GCKR: variants seen among roughly 807,000 people sequenced by gnomAD.
GCKR encodes glucokinase regulator, also known as glucokinase regulatory protein.
GCKR carries 73 observed loss-of-function variants against 82.9 expected under a neutral mutation model. That is an observed-to-expected ratio of 0.88 (90% CI 0.73 to 1.07). The LOEUF is 1.07. GCKR is among the 50% of genes least tolerant of loss of function. The pLI is 0.00. For synonymous variants in GCKR, 294 were observed against 291.8 expected, an observed-to-expected ratio of 1.01 and a Z score of -0.08; for missense variants, 784 against 782.1, an observed-to-expected ratio of 1.00 and a Z score of -0.03.
At position 27,501,227 on chromosome 2, in the gene GCKR, C is replaced by T; in HGVS notation, c.642C>T (p.Ala214=). ...VLVGFNPVSM[A]RNDPIEDWSS... is the part of the protein sequence containing the mutation. ...TTGGCTTCAATCCAGTGAGCATGGC[C>T]AGGTGAGCCTTCTGGAATGACTGGG... The change falls in exon 8 of 19, where the codon GCC becomes GCT. Residue 214 remains alanine, a splice_region_variant and synonymous_variant. Transcript: ENST00000264717. 6.2e-7 allele frequency: 1 copy of T among 1,607,166 alleles called. No individual in the cohort carries two copies. Among genetic ancestry groups the T allele is most frequent in the Non-Finnish European group, 8.5e-7 (1 of 1,173,634 alleles).
chr2:27,511,127 G>A (rs1391829348), intron 16 of GCKR, among the ~76,000 whole-genome samples: 8 of 151,896 alleles, frequency 5.3e-5, no homozygotes, highest in Non-Finnish European at 5.9e-5. Context: ...TCCCGGGTTC[G>A]AGCGATTCTC....
At chr2:27,499,496 G>A (rs1475885693) in intron 7 of GCKR, 46 bp downstream of exon 7, 1 of 1,240,046 alleles carries the variant, frequency 8.1e-7, no homozygotes, top group Non-Finnish European at 1.2e-6. Context: ...GAGAGAGGAA[G>A]TGAGTGGGAA....
chr2:27,512,891 T>C (rs1285475415), intron 16 of GCKR, among the ~76,000 whole-genome samples: 1 of 152,240 alleles, frequency 6.6e-6, no homozygotes. Context: ...TTTTCCAGAA[T>C]ATGCCTCACT....
At chr2:27,522,742 G>A in intron 18 of GCKR, 148 bp downstream of exon 18, 1 of 745,020 alleles carries the variant, frequency 1.3e-6, no homozygotes. Context: ...ACTGGGTTTT[G>A]AAGGATGAAT....
intron 16 of GCKR, among the ~76,000 whole-genome samples, chr2:27,517,193 T>C (rs1670030896): frequency 6.6e-6 from 1 of 152,074 alleles, no homozygotes; most frequent in South Asian, 2.1e-4. Flanking sequence ...TTTGTATTTT[T>C]AGTAGAGACG....
At chr2:27,501,770 C>A in intron 8 of GCKR, 1 of 471,386 alleles carries the variant, frequency 2.1e-6, no homozygotes, top group South Asian at 1.5e-5. Context: ...CAAATCACCT[C>A]CCTCTTATTC....
intron 8 of GCKR, chr2:27,501,979 G>A: frequency 3.4e-6 from 1 of 295,420 alleles, no homozygotes; most frequent in Non-Finnish European, 6.6e-6. Context: ...CAACCCTGGA[G>A]ATTCTGATGC....
rs764571876 is a variant in GCKR at position 27,497,227 on chromosome 2, T to A, written c.61-17T>A. 1 of 1,614,122 alleles carries A rather than the reference T, an allele frequency of 6.2e-7. No homozygotes were observed. The highest frequency in any genetic ancestry group is 8.5e-7 in the Non-Finnish European group (1 of 1,179,992). On this transcript the variant is annotated splice_polypyrimidine_tract_variant and intron_variant, in intron 1 of 18. Coordinates refer to ENST00000264717, the MANE Select transcript of GCKR (RefSeq NM_001486.4). ...GCTTTGGCTTCCTGCTCCATCCTTG[T>A]CCCCTCTTCCTTCTAGTTGTCTGGG...
At position 27,506,624 on chromosome 2, in the gene GCKR, G is replaced by T. The variant is rs945235364; in HGVS notation, c.968+45G>T. ...GAGGTGAGGATGTGGCCCGGATGGA[G>T]AATACTGAGAGCAGGGAGACTCTGT... On this transcript the variant is annotated intron_variant, in intron 11 of 18. Transcript: ENST00000264717. 1.2e-5 allele frequency: 16 copies of T among 1,321,400 alleles called. No homozygotes were observed. The Middle Eastern group carries it at 1.3e-3, about 105-fold the overall frequency. 81.9% of individuals were successfully genotyped at this position (1,321,400 alleles called of 1,614,324 possible).
chr2:27,509,098 C>A (rs1669818239), intron 16 of GCKR, among the ~76,000 whole-genome samples: 1 of 152,250 alleles, frequency 6.6e-6, no homozygotes, highest in South Asian at 2.1e-4. Context: ...AGCAATTTTA[C>A]ATCTCTGGTT....
chr2:27,510,683 G>A (rs1223982806), intron 16 of GCKR, among the ~76,000 whole-genome samples: 1 of 152,000 alleles, frequency 6.6e-6, no homozygotes, highest in African/African-American at 2.4e-5. Flanking sequence ...GCATTTTAGT[G>A]TTATTTTAAT....
Position 27,522,510 on chromosome 2 carries a change from G to A in GCKR, c.1623G>A (p.Ala541=), listed in dbSNP as rs146520140. The A allele has an allele frequency of 2.0e-5, 33 of 1,613,626 alleles. No homozygotes were observed. Among genetic ancestry groups the A allele is most frequent in the African/African-American group, 2.7e-5 (2 of 74,890 alleles). The change falls in exon 18 of 19, where the codon GCG becomes GCA. Residue 541 remains alanine, a synonymous_variant. Transcript: ENST00000264717. ...GATGCATCGAGAGCCTCCTCCGAGC[G>A]ATCCACTTTCCCCAGCCACTGTCAG... ...KARCIESLLR[A]IHFPQPLSDD...
chr2:27,511,059 G>A (rs1182663804), intron 16 of GCKR, among the ~76,000 whole-genome samples: 6 of 151,918 alleles, frequency 3.9e-5, no homozygotes, highest in Non-Finnish European at 5.9e-5. Context: ...ACAGAGTCTC[G>A]CTCTGTGGCC....
chr2:27,517,578 A>G (rs1225460158), intron 16 of GCKR, among the ~76,000 whole-genome samples: 2 of 152,126 alleles, frequency 1.3e-5, no homozygotes, highest in African/African-American at 4.8e-5. Context: ...CTCTTGACAC[A>G]TGGGGATTAT....
intron 16 of GCKR, among the ~76,000 whole-genome samples, chr2:27,516,669 G>A (rs182948561): frequency 1.1e-4 from 17 of 152,180 alleles, no homozygotes; most frequent in East Asian, 9.6e-4. Flanking sequence ...TGAATGTGTC[G>A]CACTCCAAAT....
At chr2:27,521,399 C>T (rs1431631273) in intron 17 of GCKR, among the ~76,000 whole-genome samples, 2 of 151,070 alleles carry the variant, frequency 1.3e-5, no homozygotes, top group Admixed American at 6.6e-5. Context: ...GGCATGATCT[C>T]GGCTCACTGC....
intron 14 of GCKR, 65 bp from the exon 15 acceptor site, chr2:27,507,912 C>T (rs1669788593): frequency 7.9e-7 from 1 of 1,266,120 alleles, no homozygotes; most frequent in African/African-American, 1.5e-5. Context: ...GGACCCCAGC[C>T]AGGGGAGCAG....
rs112045821 is a variant in GCKR at position 27,506,518 on chromosome 2, C to T, written c.907C>T (p.His303Tyr). The T allele has an allele frequency of 1.2e-6, 2 of 1,613,992 alleles. No homozygotes were observed. Among genetic ancestry groups the T allele is most frequent in the African/African-American group, 1.3e-5 (1 of 75,018 alleles). ...AATCTTGCGGACATTTGAGCGAGCTCATCAGGTGACCTACAGCCAAAGCCC... is the reference window on the plus strand; with the variant it reads ...AATCTTGCGGACATTTGAGCGAGCTTATCAGGTGACCTACAGCCAAAGCCC... ...LEILRTFERA[H>Y]QVTYSQSPKI... The change falls in exon 11 of 19, where the codon CAT becomes TAT. Residue 303 changes from histidine to tyrosine, a missense_variant. Coordinates refer to ENST00000264717, the MANE Select transcript of GCKR (RefSeq NM_001486.4).
intron 4 of GCKR, 92 bp from the exon 5 acceptor site, chr2:27,498,632 A>G: frequency 4.9e-6 from 4 of 822,248 alleles, no homozygotes; most frequent in Non-Finnish European, 8.6e-6. Context: ...TAAGAGAATC[A>G]TTATATAGTC....
Sources: gnomAD v4.1 joint callset for allele counts (sites outside exome capture counted in the v4.1 genomes callset) on GRCh38, gnomAD v4.1.1 for gene constraint, MANE v1.5 for transcripts, NCBI Gene and HGNC (gene_info 2026-07-23, HGNC 2026-07-21) for gene names.